TEAD1: variants seen among roughly 807,000 people sequenced by gnomAD.
TEAD1 encodes the protein transcriptional enhancer factor TEF-1.
A neutral mutation model predicts 54.9 loss-of-function variants in TEAD1; 9 were observed. The ratio of observed to expected loss-of-function variants is 0.16; its 90% CI spans 0.10 to 0.29. The LOEUF (loss-of-function observed/expected upper bound fraction) is 0.29, where lower values mean the gene tolerates loss of function less well. Among genes scored for constraint, TEAD1 ranks in the 10% least tolerant of loss-of-function variants. TEAD1 has a pLI of 1.00. For synonymous variants in TEAD1, 200 were observed against 187.8 expected, an observed-to-expected ratio of 1.07 and a Z score of -0.53; for missense variants, 387 against 535.9, an observed-to-expected ratio of 0.72 and a Z score of 2.74.
intron 3 of TEAD1, among the ~76,000 whole-genome samples, chr11:12,854,885 T>TA (rs1485349653): frequency 2.0e-5 from 3 of 151,788 alleles, no homozygotes; most frequent in Admixed American, 6.6e-5. Flanking sequence ...CGTGAGCCAC[T>TA]GCACCCAGCT....
Position 12,720,160 on chromosome 11 carries a change from A to G in TEAD1, c.-54-44019A>G, listed in dbSNP as rs146770600. 7.7e-4 allele frequency among the ~76,000 whole-genome samples: 117 copies of G among 151,834 alleles called. 3 individuals are homozygous for G. In the East Asian group the frequency reaches 0.021, roughly 27 times the overall value. On this transcript the variant is annotated intron_variant, in intron 2 of 12. Transcript: ENST00000527636. ...ATGTCTATGGCATATTTAATTTCCA[A>G]TTAGACTACTTTATGGATCAATTTG...
At chr11:12,908,883 G>GTTTTTTTTTTTTTTTTTTTTTTTTT (rs60042137) in intron 10 of TEAD1, among the ~76,000 whole-genome samples, 5 of 99,672 alleles carry the variant, frequency 5.0e-5, no homozygotes, top group African/African-American at 1.3e-4. Context: ...CAAATTATCT[G>GTTTTTTTTTTTTTTTTTTTTTTTTT]TTTTTTTTTT....
At chr11:12,803,543 G>A (rs1280118615) in intron 3 of TEAD1, among the ~76,000 whole-genome samples, 1 of 152,336 alleles carries the variant, frequency 6.6e-6, no homozygotes, top group African/African-American at 2.4e-5. Context: ...AGTGCAGTCT[G>A]TGTGGCCCTC....
At chr11:12,898,398 C>CT (rs71313453) in intron 9 of TEAD1, among the ~76,000 whole-genome samples, 28,334 of 144,418 alleles carry the variant, frequency 0.2, 3,057 homozygotes, top group East Asian at 0.47. Context: ...AACATGAACA[C>CT]TTTTTTTTTT....
intron 5 of TEAD1, among the ~76,000 whole-genome samples, chr11:12,868,450 C>T (rs1158060337): frequency 2.6e-5 from 4 of 152,160 alleles, no homozygotes; most frequent in Non-Finnish European, 5.9e-5. Context: ...CTGCCATGTT[C>T]CTAGGAAGAA....
intron 3 of TEAD1, 120 bp downstream of exon 3, chr11:12,764,554 A>G (rs1482593770): frequency 3.3e-6 from 4 of 1,213,512 alleles, no homozygotes; most frequent in African/African-American, 3.0e-5. Flanking sequence ...TATTTGTAGA[A>G]TTTTAGTGGG....
chr11:12,868,143 C>T (rs1449487184), intron 5 of TEAD1, among the ~76,000 whole-genome samples: 1 of 152,178 alleles, frequency 6.6e-6, no homozygotes, highest in Non-Finnish European at 1.5e-5. Context: ...CCTGGTGAGT[C>T]TTCTTGCTTA....
At chr11:12,733,324 T>C (rs1370106334) in intron 2 of TEAD1, among the ~76,000 whole-genome samples, 1 of 152,156 alleles carries the variant, frequency 6.6e-6, no homozygotes, top group Non-Finnish European at 1.5e-5. Context: ...CTGAGTGTTT[T>C]AGGTCCCTGG....
chr11:12,777,773 T>C (rs1945461563), intron 3 of TEAD1, among the ~76,000 whole-genome samples: 1 of 152,198 alleles, frequency 6.6e-6, no homozygotes, highest in African/African-American at 2.4e-5. Context: ...AAGATGCTAT[T>C]TAGGTTACTT....
At chr11:12,901,397 A>G (rs1342513881) in intron 9 of TEAD1, among the ~76,000 whole-genome samples, 1 of 152,176 alleles carries the variant, frequency 6.6e-6, no homozygotes, top group East Asian at 1.9e-4. Flanking sequence ...AGCAGCCCTT[A>G]TGTAGAAGTT....
rs138986512 is a variant in TEAD1, at chr11:12,814,439, G to A, written c.203-47811G>A. On this transcript the variant is annotated intron_variant, in intron 3 of 12. Transcript: ENST00000527636. ...GAATCTTTGACCCCCTCAGGCCCCC[G>A]CTGGCCTGGCTAGAGAGCTCTGCCT... Among the ~76,000 whole-genome samples, 1,313 of 152,206 alleles carry A rather than the reference G, an allele frequency of 8.6e-3. 22 individuals carry two copies. Among genetic ancestry groups the A allele is most frequent in the African/African-American group, 0.03 (1,243 of 41,534 alleles).
intron 12 of TEAD1, among the ~76,000 whole-genome samples, 179 bp from the exon 13 acceptor site, chr11:12,936,930 A>G (rs1949111962): frequency 6.6e-6 from 1 of 152,148 alleles, no homozygotes; most frequent in Non-Finnish European, 1.5e-5. Flanking sequence ...CCACGTTTAG[A>G]TGGGCTTCAG....
chr11:12,764,850 T>C (rs942514030), intron 3 of TEAD1, among the ~76,000 whole-genome samples: 30 of 150,334 alleles, frequency 2.0e-4, no homozygotes, highest in African/African-American at 7.4e-4. Flanking sequence ...AATCCCTTGA[T>C]TGCCCCCAGC....
intron 9 of TEAD1, among the ~76,000 whole-genome samples, chr11:12,894,547 T>TCCA: frequency 6.6e-6 from 1 of 152,202 alleles, no homozygotes; most frequent in Non-Finnish European, 1.5e-5. Context: ...GGGAACAGAC[T>TCCA]TTGCATGCCT....
At chr11:12,727,385 C>T (rs561460167) in intron 2 of TEAD1, among the ~76,000 whole-genome samples, 2 of 152,250 alleles carry the variant, frequency 1.3e-5, no homozygotes, top group Admixed American at 6.5e-5. Context: ...AGCTGTGAAT[C>T]GGGTCCTGTG....
At chr11:12,914,349 G>A (rs1487702493) in intron 10 of TEAD1, among the ~76,000 whole-genome samples, 1 of 152,184 alleles carries the variant, frequency 6.6e-6, no homozygotes, top group East Asian at 1.9e-4. Context: ...GCCATAATTA[G>A]CGGGAAGTAA....
At chr11:12,902,134 A>C (rs750532003) in intron 10 of TEAD1, 21 bp downstream of exon 10, 9 of 1,614,162 alleles carry the variant, frequency 5.6e-6, no homozygotes, top group African/African-American at 1.3e-5. Flanking sequence ...CATTGCTGTG[A>C]TTTCCGTGGT....
At chr11:12,907,318 G>C (rs1948537630) in intron 10 of TEAD1, among the ~76,000 whole-genome samples, 1 of 152,216 alleles carries the variant, frequency 6.6e-6, no homozygotes, top group East Asian at 1.9e-4. Context: ...GAAAAATTTG[G>C]AAAGAGAAGG....
intron 3 of TEAD1, among the ~76,000 whole-genome samples, chr11:12,851,605 C>T (rs901675942): frequency 1.3e-5 from 2 of 151,990 alleles, no homozygotes; most frequent in African/African-American, 4.8e-5. Context: ...ACCAGCCTGG[C>T]CAACATTGTG....
Sources: gnomAD v4.1 joint callset for allele counts (sites outside exome capture counted in the v4.1 genomes callset) on GRCh38, gnomAD v4.1.1 for gene constraint, MANE v1.5 for transcripts, NCBI Gene and HGNC (gene_info 2026-07-23, HGNC 2026-07-21) for gene names.